The following CACNA1C variants were observed in gnomAD, a reference collection of about 807,000 sequenced individuals.
CACNA1C encodes the protein calcium voltage-gated channel subunit alpha1 C.
In CACNA1C, 30 loss-of-function variants were observed where a neutral mutation model predicts 229.0. The observed-to-expected ratio is 0.13, with a 90% CI of 0.10 to 0.18. The LOEUF (loss-of-function observed/expected upper bound fraction) is 0.18, where lower values mean the gene tolerates loss of function less well. CACNA1C is among the 10% of genes least tolerant of loss of function. CACNA1C has a pLI of 1.00. For synonymous variants in CACNA1C, 1,114 were observed against 1,132.5 expected (o/e 0.98, Z 0.33); for missense variants, 1,658 against 2,845.0 (o/e 0.58, Z 9.49).
intron 3 of CACNA1C, among the ~76,000 whole-genome samples, chr12:2,327,214 C>A (rs1174703498): frequency 6.6e-6 from 1 of 152,232 alleles, no homozygotes; most frequent in Admixed American, 6.5e-5. Context: ...CAGACCTGCT[C>A]CTTGAGATTG....
chr12:2,641,808 G>A lies in CACNA1C; in HGVS notation c.3913-6667G>A, dbSNP rs1221802842. The A allele has an allele frequency of 4.3e-6, 3 of 701,812 alleles. No homozygotes were observed. In the Admixed American group the frequency reaches 6.0e-5, roughly 14 times the overall value. The allele number at this position is 701,812 out of a possible 1,614,324, so 43.5% of individuals were successfully genotyped here. On this transcript the variant is annotated intron_variant, in intron 30 of 46. Coordinates refer to ENST00000399655, the MANE Select transcript of CACNA1C (RefSeq NM_000719.7). ...CTGAGTGGGGAGATTACTTTTGTGA[G>A]GTCCCTCCCCATCCCCCCACAAAGG... is the stretch of plus-strand genomic sequence containing the variant.
chr12:2,307,979 A>C (rs1485078037), intron 3 of CACNA1C, among the ~76,000 whole-genome samples: 1 of 152,188 alleles, frequency 6.6e-6, no homozygotes, highest in African/African-American at 2.4e-5. Flanking sequence ...GGAAGACAAG[A>C]ATCTGCATTT....
chr12:2,638,421 G>A (rs971622892), intron 30 of CACNA1C, among the ~76,000 whole-genome samples: 6 of 152,020 alleles, frequency 3.9e-5, no homozygotes, highest in African/African-American at 1.4e-4. Flanking sequence ...GAGAGGTGAG[G>A]GTAGCAGAGG....
At chr12:2,540,251 C>A (rs1473337975) in intron 9 of CACNA1C, among the ~76,000 whole-genome samples, 1 of 152,146 alleles carries the variant, frequency 6.6e-6, no homozygotes, top group African/African-American at 2.4e-5. Context: ...TGTCCGGCAC[C>A]TAGGAGTCCC....
intron 3 of CACNA1C, among the ~76,000 whole-genome samples, chr12:2,431,091 A>G (rs1253174469): frequency 6.6e-6 from 1 of 152,160 alleles, no homozygotes. Context: ...CCTGTAGCTG[A>G]AAGGAACCAT....
chr12:2,634,073 C>T (rs533787438), intron 29 of CACNA1C, among the ~76,000 whole-genome samples: 2 of 152,178 alleles, frequency 1.3e-5, no homozygotes, highest in Non-Finnish European at 2.9e-5. Flanking sequence ...CTGCACCCTG[C>T]GAAAACCAGG....
At chr12:2,541,903 T>G (rs2099871354) in intron 9 of CACNA1C, among the ~76,000 whole-genome samples, 1 of 152,110 alleles carries the variant, frequency 6.6e-6, no homozygotes, top group Admixed American at 6.5e-5. Context: ...GGAGCTTTGC[T>G]CTGGTGCCAC....
chr12:2,129,548 T>C (rs1345456744), intron 3 of CACNA1C, among the ~76,000 whole-genome samples: 2 of 152,218 alleles, frequency 1.3e-5, no homozygotes, highest in Non-Finnish European at 2.9e-5. Flanking sequence ...ACCCCTTTCA[T>C]GTACCAAACT....
intron 3 of CACNA1C, among the ~76,000 whole-genome samples, chr12:2,203,564 T>C (rs1178841139): frequency 6.6e-6 from 1 of 152,212 alleles, no homozygotes; most frequent in Non-Finnish European, 1.5e-5. Flanking sequence ...GTCAGGATTC[T>C]GGAGGTGGCT....
At chr12:2,448,631 G>A (rs1348048485) in intron 3 of CACNA1C, among the ~76,000 whole-genome samples, 1 of 152,062 alleles carries the variant, frequency 6.6e-6, no homozygotes, top group Admixed American at 6.5e-5. Context: ...CCCTTTAGAT[G>A]GAGACACTAT....
chr12:2,422,979 C>T (rs193170727), intron 3 of CACNA1C, among the ~76,000 whole-genome samples: 1 of 152,298 alleles, frequency 6.6e-6, no homozygotes, highest in East Asian at 1.9e-4. Flanking sequence ...GACCAAGATA[C>T]CTGAAGTTTT....
chr12:2,642,430 C>T (rs1419247135), intron 30 of CACNA1C, among the ~76,000 whole-genome samples: 2 of 152,154 alleles, frequency 1.3e-5, no homozygotes, highest in African/African-American at 2.4e-5. Flanking sequence ...CCTACAGGCT[C>T]AGCAACCTGC....
In CACNA1C at chr12:2,333,406, TTGTCAGCC is replaced by T. The variant is rs369455223; in HGVS notation, c.478-115566_478-115559del. Among the ~76,000 whole-genome samples the T allele has an allele frequency of 1.9e-3, 293 of 152,340 alleles. 1 individual carries two copies. Among genetic ancestry groups the T allele is most frequent in the African/African-American group, 6.7e-3 (280 of 41,574 alleles). On this transcript the variant is annotated intron_variant, in intron 3 of 46. Coordinates refer to ENST00000399655, the MANE Select transcript of CACNA1C (RefSeq NM_000719.7). ...CTGGCCCCCACGCTGCCATCCTGAC[TTGTCAGCC>T]TGTTTGCTTCCTCCTCTCTGTTGTG...
intron 8 of CACNA1C, among the ~76,000 whole-genome samples, chr12:2,505,306 A>G (rs1453739621): frequency 6.6e-6 from 1 of 152,032 alleles, no homozygotes; most frequent in South Asian, 2.1e-4. Flanking sequence ...CAGACTCAAA[A>G]TCTAATTCTC....
At chr12:2,357,953 A>G (rs1364993803) in intron 3 of CACNA1C, among the ~76,000 whole-genome samples, 1 of 147,156 alleles carries the variant, frequency 6.8e-6, no homozygotes, top group Non-Finnish European at 1.5e-5. Context: ...CTGGGCAACA[A>G]GAGTGAAACT....
intron 3 of CACNA1C, among the ~76,000 whole-genome samples, chr12:2,231,059 G>A (rs2064970336): frequency 6.6e-6 from 1 of 152,194 alleles, no homozygotes; most frequent in South Asian, 2.1e-4. Flanking sequence ...AGGTCAGAAA[G>A]GGAAAATAAA....
intron 3 of CACNA1C, among the ~76,000 whole-genome samples, chr12:2,171,236 A>G (rs151109258): frequency 1.3e-3 from 204 of 152,300 alleles, no homozygotes; most frequent in African/African-American, 4.9e-3. Context: ...GGAGTGTCTG[A>G]TGGAACAGGA....
intron 20 of CACNA1C, chr12:2,596,302 G>C (rs2068146432): frequency 3.6e-6 from 1 of 274,632 alleles, no homozygotes; most frequent in Non-Finnish European, 6.8e-6. Flanking sequence ...TTAGTAAAAT[G>C]TGGCCACTGA....
chr12:2,088,534 G>A (rs571201165), intron 1 of CACNA1C, among the ~76,000 whole-genome samples: 3 of 152,310 alleles, frequency 2.0e-5, no homozygotes, highest in East Asian at 3.9e-4. Context: ...GGTGCTGAGA[G>A]GATTAAATAA....
Sources: gnomAD v4.1 joint callset for allele counts (sites outside exome capture counted in the v4.1 genomes callset) on GRCh38, gnomAD v4.1.1 for gene constraint, MANE v1.5 for transcripts, NCBI Gene and HGNC (gene_info 2026-07-23, HGNC 2026-07-21) for gene names.